Variants in AGMO observed in about 807,000 individuals in gnomAD.
AGMO encodes the protein alkylglycerol monooxygenase.
In AGMO, 75 loss-of-function variants were observed where a neutral mutation model predicts 60.2. That is an observed-to-expected ratio of 1.25 (90% CI 1.03 to 1.51). AGMO has a LOEUF of 1.51. Among genes scored for constraint, AGMO ranks in the 40% most tolerant of loss-of-function variants. The probability of loss-of-function intolerance (pLI) is 0.00; values close to 1 mark genes in which losing one functional copy is unlikely to be tolerated. For missense variants in AGMO, 763 were observed against 525.5 expected (o/e 1.45, Z -4.42); for synonymous variants, 261 against 177.1 (o/e 1.47, Z -3.76).
chr7:15,210,995 GAA>G (rs1464170945), intron 12 of AGMO, among the ~76,000 whole-genome samples: 6 of 151,774 alleles, frequency 4.0e-5, no homozygotes, highest in Non-Finnish European at 5.9e-5. Context: ...AATAGACTAA[GAA>G]AGATATACTG....
intron 12 of AGMO, among the ~76,000 whole-genome samples, chr7:15,205,540 A>G (rs1353812207): frequency 1.3e-5 from 2 of 152,178 alleles, no homozygotes; most frequent in East Asian, 3.9e-4. Context: ...CTGAATCACT[A>G]ATAAGATGAA....
At chr7:15,488,881 A>G (rs899200229) in intron 3 of AGMO, among the ~76,000 whole-genome samples, 1 of 149,070 alleles carries the variant, frequency 6.7e-6, no homozygotes, top group Non-Finnish European at 1.5e-5. Context: ...TTGTTATGCT[A>G]AAATGAACAG....
intron 12 of AGMO, among the ~76,000 whole-genome samples, chr7:15,321,917 G>A (rs1485639017): frequency 6.6e-6 from 1 of 151,752 alleles, no homozygotes; most frequent in Non-Finnish European, 1.5e-5. Context: ...AAAAATTGGA[G>A]GTCTATTTAA....
chr7:15,406,073 C>A (rs1286894708), intron 5 of AGMO, among the ~76,000 whole-genome samples: 1 of 151,686 alleles, frequency 6.6e-6, no homozygotes, highest in African/African-American at 2.4e-5. Context: ...CTTCAGGTAG[C>A]TCAGTAAAAC....
intron 12 of AGMO, chr7:15,358,562 T>C (rs984481931): frequency 5.3e-6 from 2 of 380,882 alleles, no homozygotes; most frequent in Non-Finnish European, 1.1e-5. Context: ...GGTGGGATTT[T>C]CTGCACTCCA....
chr7:15,123,202 TC>T, the AGMO span, among the ~76,000 whole-genome samples: 2 of 152,210 alleles, frequency 1.3e-5, no homozygotes, highest in East Asian at 3.9e-4. Context: ...CTCAATGATC[TC>T]TATTTTGATT....
At chr7:15,277,417 T>C (rs541426330) in intron 12 of AGMO, among the ~76,000 whole-genome samples, 3 of 152,322 alleles carry the variant, frequency 2.0e-5, no homozygotes, top group African/African-American at 7.2e-5. Flanking sequence ...ATTCTGATCC[T>C]TTGGTGGTGT....
the AGMO span, among the ~76,000 whole-genome samples, chr7:15,129,793 T>C: frequency 1.3e-5 from 2 of 152,154 alleles, no homozygotes; most frequent in South Asian, 4.1e-4. Context: ...TGTTCTGGTA[T>C]GACAATAACC....
chr7:15,419,438 T>C (rs1220172038), intron 4 of AGMO, among the ~76,000 whole-genome samples: 2 of 151,986 alleles, frequency 1.3e-5, no homozygotes, highest in African/African-American at 4.8e-5. Flanking sequence ...ATAAAATGAA[T>C]CTGACTTTCA....
intron 12 of AGMO, chr7:15,358,430 A>C (rs777983093): frequency 2.1e-6 from 1 of 471,276 alleles, no homozygotes; most frequent in South Asian, 1.6e-5. Context: ...GAGTTGGAAG[A>C]CAAGTAGGGT....
At chr7:15,281,669 C>A (rs1366142943) in intron 12 of AGMO, among the ~76,000 whole-genome samples, 2 of 152,172 alleles carry the variant, frequency 1.3e-5, no homozygotes, top group African/African-American at 4.8e-5. Flanking sequence ...TCTGTCAGGA[C>A]AGAGGCATTT....
the AGMO span, among the ~76,000 whole-genome samples, chr7:15,132,013 G>A: frequency 1.2e-4 from 18 of 152,150 alleles, 1 homozygote; most frequent in South Asian, 1.9e-3. Context: ...ATCAGAAAGC[G>A]GGGAATTAGA....
intron 12 of AGMO, among the ~76,000 whole-genome samples, chr7:15,290,687 T>C (rs974133825): frequency 1.3e-5 from 2 of 152,178 alleles, no homozygotes; most frequent in Admixed American, 6.5e-5. Context: ...AGATAGTGTT[T>C]AGATTAGATA....
chr7:15,262,981 A>G (rs982248451), intron 12 of AGMO, among the ~76,000 whole-genome samples: 2 of 151,956 alleles, frequency 1.3e-5, no homozygotes, highest in Non-Finnish European at 2.9e-5. Context: ...AGATTCTAGA[A>G]GATAACATTG....
intron 3 of AGMO, among the ~76,000 whole-genome samples, chr7:15,520,547 C>G (rs1783951809): frequency 6.6e-6 from 1 of 152,192 alleles, no homozygotes; most frequent in Admixed American, 6.5e-5. Context: ...AAGAAACTCA[C>G]TCAAAACTGC....
chr7:15,250,832 C>G (rs2128506342), intron 12 of AGMO, among the ~76,000 whole-genome samples: 1 of 151,970 alleles, frequency 6.6e-6, no homozygotes, highest in East Asian at 1.9e-4. Flanking sequence ...GTAATCCCAG[C>G]TACTCGGGAG....
chr7:15,363,404 T>C (rs1782841575), intron 12 of AGMO, among the ~76,000 whole-genome samples: 1 of 152,186 alleles, frequency 6.6e-6, no homozygotes, highest in Non-Finnish European at 1.5e-5. Flanking sequence ...CTCAATTCCT[T>C]ACACATATTC....
chr7:15,144,867 C>T, the AGMO span, among the ~76,000 whole-genome samples: 901 of 152,296 alleles, frequency 5.9e-3, 5 homozygotes, highest in African/African-American at 0.018. Context: ...TCTCGCTCTG[C>T]CGCCCAGGCT....
chr7:15,162,556 C>A, the AGMO span, among the ~76,000 whole-genome samples: 1 of 151,948 alleles, frequency 6.6e-6, no homozygotes, highest in Non-Finnish European at 1.5e-5. Context: ...TAGCTGGGTA[C>A]GGTGGCATGC....
Sources: gnomAD v4.1 joint callset for allele counts (sites outside exome capture counted in the v4.1 genomes callset) on GRCh38, gnomAD v4.1.1 for gene constraint, MANE v1.5 for transcripts, NCBI Gene and HGNC (gene_info 2026-07-23, HGNC 2026-07-21) for gene names.